The following IL13RA1 variants were observed in gnomAD, a reference collection of about 807,000 sequenced individuals.
IL13RA1 encodes the protein interleukin 13 receptor subunit alpha 1.
In IL13RA1, 14 loss-of-function variants were observed where a neutral mutation model predicts 33.8. The observed-to-expected ratio is 0.41, with a 90% CI of 0.27 to 0.65. IL13RA1 has a LOEUF of 0.65. IL13RA1 is among the 30% of genes least tolerant of loss of function. IL13RA1 has a pLI of 0.28. For missense variants in IL13RA1, 313 were observed against 327.0 expected (o/e 0.96, Z 0.33); for synonymous variants, 116 against 115.7 (o/e 1.00, Z -0.02).
intron 10 of IL13RA1, among the ~76,000 whole-genome samples, chrX:118,779,497 A>G (rs774426339): frequency 8.9e-6 from 1 of 112,285 alleles, no homozygotes; most frequent in South Asian, 3.7e-4. Flanking sequence ...TCAAAAATGC[A>G]TTAATATATA....
intron 3 of IL13RA1, 63 bp downstream of exon 3, chrX:118,747,155 T>G: frequency 2.9e-6 from 2 of 683,449 alleles, no homozygotes; most frequent in Non-Finnish European, 4.5e-6. Context: ...CCAATGCTTT[T>G]GTGCATTGTT....
the IL13RA1 span, among the ~76,000 whole-genome samples, chrX:118,799,840 G>T: frequency 8.6e-5 from 4 of 46,603 alleles, no homozygotes; most frequent in East Asian, 7.9e-4. Context: ...ACACCAATCA[G>T]CACCTTGTGT....
chrX:118,788,347 C>T (rs1364740021), intron 10 of IL13RA1, among the ~76,000 whole-genome samples: 1 of 112,056 alleles, frequency 8.9e-6, no homozygotes, highest in Non-Finnish European at 1.9e-5. Context: ...GCAAATTCTG[C>T]CTGCCACTTG....
intron 2 of IL13RA1, 136 bp from the exon 3 acceptor site, chrX:118,746,818 C>A: frequency 2.3e-6 from 1 of 437,954 alleles, no homozygotes; most frequent in Non-Finnish European, 4.0e-6. Context: ...CAAAATCAGC[C>A]CCAATTGAGA....
At chrX:118,784,259 C>A (rs758312048) in intron 10 of IL13RA1, among the ~76,000 whole-genome samples, 77 of 104,094 alleles carry the variant, frequency 7.4e-4, no homozygotes, top group Non-Finnish European at 8.6e-4. Flanking sequence ...ACTCTTAATC[C>A]TGTCACCCAG....
chrX:118,787,217 A>C (rs1173553254), intron 10 of IL13RA1, among the ~76,000 whole-genome samples: 1 of 111,692 alleles, frequency 9.0e-6, no homozygotes, highest in African/African-American at 3.3e-5. Flanking sequence ...AATAAAGGGA[A>C]AGAGTACAAA....
intron 1 of IL13RA1, among the ~76,000 whole-genome samples, chrX:118,733,382 A>G (rs2017245072): frequency 8.9e-6 from 1 of 111,843 alleles, no homozygotes; most frequent in African/African-American, 3.2e-5. Flanking sequence ...ATTTTCCTAA[A>G]TATTAGTGAT....
chrX:118,737,500 T>G (rs5956080), intron 1 of IL13RA1, among the ~76,000 whole-genome samples: 10,911 of 110,846 alleles, frequency 0.098, 1,396 homozygotes, highest in African/African-American at 0.34. Context: ...GTGTGTGTGT[T>G]TTTAAAGTGT....
chrX:118,749,922 A>T (rs2017452151), intron 4 of IL13RA1, 144 bp downstream of exon 4: 5 of 432,737 alleles, frequency 1.2e-5, no homozygotes, highest in Non-Finnish European at 2.0e-5. Flanking sequence ...TGAAAAATGC[A>T]TCTGTCTTTG....
chrX:118,763,628 CTATTT>C (rs766185943), intron 6 of IL13RA1, among the ~76,000 whole-genome samples: 6 of 111,968 alleles, frequency 5.4e-5, no homozygotes, highest in African/African-American at 1.9e-4. Flanking sequence ...GAAATAGAAA[CTATTT>C]TAACCTACAT....
chrX:118,799,162 G>A (rs964550138), downstream of IL13RA1, among the ~76,000 whole-genome samples: 3 of 113,315 alleles, frequency 2.6e-5, no homozygotes, highest in Non-Finnish European at 5.6e-5. Context: ...CGCTGTGCTC[G>A]ATTTCTCACC....
At chrX:118,797,210 C>A (rs55898342), downstream of IL13RA1, among the ~76,000 whole-genome samples, 6,730 of 111,946 alleles carry the variant, frequency 0.06, 517 homozygotes, top group African/African-American at 0.2. Flanking sequence ...GGAGGTTGGA[C>A]TAGATTAGCT....
intron 3 of IL13RA1, among the ~76,000 whole-genome samples, chrX:118,748,131 ATATATAAT>A (rs2017430758): frequency 2.0e-5 from 2 of 100,138 alleles, no homozygotes; most frequent in Non-Finnish European, 4.0e-5. Flanking sequence ...ATATTATATA[ATATATAAT>A]TATATATAAT....
intron 1 of IL13RA1, among the ~76,000 whole-genome samples, chrX:118,729,128 A>G (rs1337790865): frequency 1.8e-5 from 2 of 111,189 alleles, no homozygotes; most frequent in African/African-American, 6.6e-5. Context: ...ATATGGGGAC[A>G]TTGCAGTCCA....
intron 8 of IL13RA1, 103 bp downstream of exon 8, chrX:118,767,079 G>A: frequency 2.4e-6 from 1 of 418,936 alleles, no homozygotes. Context: ...CTCTCTTGAT[G>A]TCAGGAAAAG....
At chrX:118,765,038 C>T (rs188070869) in intron 6 of IL13RA1, among the ~76,000 whole-genome samples, 118 of 111,751 alleles carry the variant, frequency 1.1e-3, no homozygotes, top group Non-Finnish European at 1.8e-3. Flanking sequence ...GGCTTCTAAT[C>T]CCATAGATTG....
rs1398461620 is a variant in IL13RA1 at position 118,793,597 on chromosome X, TC to T, written c.*1748del. 8.9e-6 allele frequency: 1 copy of T among 112,001 alleles called. No individual in the cohort carries two copies. Among genetic ancestry groups the T allele is most frequent in the Non-Finnish European group, 1.9e-5 (1 of 53,202 alleles). 9.2% of individuals were successfully genotyped at this position (112,001 alleles called of 1,213,427 possible). A position where few individuals can be genotyped will look rare whatever the true frequency, so the allele number is the denominator to read the frequency against. On this transcript the variant is annotated 3_prime_UTR_variant, in exon 11 of 11. Transcript: ENST00000371666. ...AGAAGTATGGGAAATGAGAGGCATT[TC>T]CCCCACCCCATTTCTCTCCTCACAC...
At chrX:118,769,957 C>T (rs1327724111) in intron 8 of IL13RA1, 1 of 200,726 alleles carries the variant, frequency 5.0e-6, no homozygotes. Flanking sequence ...TCTATTACTC[C>T]TCCACCAGCA....
chrX:118,802,794 G>T, the IL13RA1 span, among the ~76,000 whole-genome samples: 1 of 112,164 alleles, frequency 8.9e-6, no homozygotes, highest in East Asian at 2.8e-4. Context: ...TTAAGAATCA[G>T]TTCTACATGT....
Sources: allele counts gnomAD v4.1 joint callset (sites outside exome capture counted in the v4.1 genomes callset), GRCh38; gene constraint gnomAD v4.1.1; transcripts MANE v1.5; gene names NCBI Gene and HGNC (gene_info 2026-07-23, HGNC 2026-07-21).